Variants in WAC observed in about 807,000 individuals in gnomAD.
The protein encoded by WAC is WW domain-containing adapter protein with coiled-coil.
WAC carries 11 observed loss-of-function variants against 79.6 expected under a neutral mutation model. The observed-to-expected ratio is 0.14, with a 90% confidence interval of 0.09 to 0.23. The LOEUF is 0.23. Ranked by LOEUF, WAC falls within the 10% of genes least tolerant of loss-of-function variation. WAC has a pLI of 1.00. For missense variants in WAC, 728 were observed against 773.5 expected (o/e 0.94, Z 0.70); for synonymous variants, 304 against 276.9 (o/e 1.10, Z -0.97).
chr10:28,559,774 A>T (rs533136448), intron 3 of WAC, among the ~76,000 whole-genome samples: 25 of 152,322 alleles, frequency 1.6e-4, no homozygotes, highest in African/African-American at 5.5e-4. Context: ...AAGAAACTTC[A>T]AGAGGTGATT....
At chr10:28,576,934 A>G (rs1839272679) in intron 3 of WAC, among the ~76,000 whole-genome samples, 1 of 152,100 alleles carries the variant, frequency 6.6e-6, no homozygotes, top group African/African-American at 2.4e-5. Context: ...TTTTTTACCT[A>G]AGTCTTGGAA....
At chr10:28,586,033 C>G (rs533947043) in intron 4 of WAC, among the ~76,000 whole-genome samples, 1 of 152,262 alleles carries the variant, frequency 6.6e-6, no homozygotes, top group African/African-American at 2.4e-5. Flanking sequence ...GTTCTGGTTT[C>G]TCTAGATTTC....
At chr10:28,555,150 T>G (rs373979404) in intron 3 of WAC, among the ~76,000 whole-genome samples, 2 of 152,160 alleles carry the variant, frequency 1.3e-5, no homozygotes, top group African/African-American at 4.8e-5. Flanking sequence ...GTCTTTCTGC[T>G]TTCCAACCTT....
At chr10:28,603,933 CA>C (rs1312613029) in intron 7 of WAC, among the ~76,000 whole-genome samples, 25 of 17,982 alleles carry the variant, frequency 1.4e-3, no homozygotes, top group East Asian at 7.4e-3. Flanking sequence ...GACTCCGTCT[CA>C]AAAAAAAAAT....
At chr10:28,567,130 G>A (rs1838679445) in intron 3 of WAC, among the ~76,000 whole-genome samples, 1 of 150,016 alleles carries the variant, frequency 6.7e-6, no homozygotes, top group Non-Finnish European at 1.5e-5. Context: ...CTTCTAATGT[G>A]GTTTTATTTT....
Position 28,617,455 on chromosome 10 carries a change from T to C in WAC, c.1747-202T>C, listed in dbSNP as rs563939052. Among the ~76,000 whole-genome samples, 6 of 152,318 alleles carry C rather than the reference T, an allele frequency of 3.9e-5. No individual in the cohort carries two copies. In the East Asian group the frequency reaches 9.6e-4, roughly 24 times the overall value. ...TTTTCTCCAACTTAGAAGAGAAATA[T>C]TAAAATAAGTACCTTCCACCCTTAG... On this transcript the variant is annotated intron_variant, in intron 12 of 13. Transcript: ENST00000354911.
intron 6 of WAC, among the ~76,000 whole-genome samples, chr10:28,594,127 T>TA (rs1282098970): frequency 6.6e-6 from 1 of 152,180 alleles, no homozygotes; most frequent in African/African-American, 2.4e-5. Context: ...AGAAAGCTGT[T>TA]ACAGCTATAG....
At chr10:28,567,984 C>A (rs1227869327) in intron 3 of WAC, among the ~76,000 whole-genome samples, 5 of 152,196 alleles carry the variant, frequency 3.3e-5, no homozygotes, top group African/African-American at 1.2e-4. Context: ...GTGATCCGCC[C>A]ACCCTGGCCT....
chr10:28,573,278 A>G (rs1468647937), intron 3 of WAC, among the ~76,000 whole-genome samples: 1 of 152,162 alleles, frequency 6.6e-6, no homozygotes. Context: ...CTGTATACCC[A>G]TTAGCAGTCA....
At chr10:28,535,091 C>A (rs1836563546) in intron 2 of WAC, among the ~76,000 whole-genome samples, 1 of 147,528 alleles carries the variant, frequency 6.8e-6, no homozygotes, top group African/African-American at 2.5e-5. Flanking sequence ...TTATTTGAAT[C>A]AAAGAATTGG....
chr10:28,582,197 G>A (rs962507696), intron 3 of WAC, among the ~76,000 whole-genome samples: 4 of 152,036 alleles, frequency 2.6e-5, no homozygotes, highest in South Asian at 2.1e-4. Context: ...CTCTTACTTC[G>A]TCCATGAACT....
chr10:28,596,465 G>A (rs1017780469), intron 7 of WAC, among the ~76,000 whole-genome samples: 1 of 152,120 alleles, frequency 6.6e-6, no homozygotes, highest in African/African-American at 2.4e-5. Flanking sequence ...GTTTCAGTTT[G>A]TGATTAGAAA....
At chr10:28,588,354 C>T (rs1839925183) in intron 4 of WAC, among the ~76,000 whole-genome samples, 1 of 152,140 alleles carries the variant, frequency 6.6e-6, no homozygotes, top group African/African-American at 2.4e-5. Flanking sequence ...TTGCCACCCT[C>T]ATTATTTTGG....
intron 3 of WAC, among the ~76,000 whole-genome samples, chr10:28,547,310 G>A (rs1308815337): frequency 6.6e-5 from 10 of 152,114 alleles, no homozygotes; most frequent in African/African-American, 1.4e-4. Flanking sequence ...CAAGGTGGGC[G>A]GATCACCTGA....
Position 28,610,763 on chromosome 10 carries a change from A to G in WAC, c.1230A>G (p.Gly410=). 1 of 1,612,796 alleles carries G rather than the reference A, an allele frequency of 6.2e-7. No individual in the cohort carries two copies. The highest frequency in any genetic ancestry group is 8.5e-7 in the Non-Finnish European group (1 of 1,179,726). Residue 410 remains glycine (G), a synonymous_variant, in exon 9 of 14, where the codon GGA becomes GGG. Coordinates refer to ENST00000354911, the MANE Select transcript of WAC (RefSeq NM_016628.5). ...TAATTCATAAGTTTCTTACTGCTGG[A>G]CCATCTGCTTTCAACATAACGTCTC... ...QSIIHKFLTA[G]PSAFNITSLI...
At chr10:28,614,371 G>A (rs1443702415) in intron 10 of WAC, among the ~76,000 whole-genome samples, 196 bp from the exon 11 acceptor site, 4 of 152,234 alleles carry the variant, frequency 2.6e-5, no homozygotes, top group Non-Finnish European at 4.4e-5. Flanking sequence ...GGGATTACAG[G>A]CGTGAGCCAC....
At chr10:28,550,168 A>AC (rs887367373) in intron 3 of WAC, among the ~76,000 whole-genome samples, 1 of 149,466 alleles carries the variant, frequency 6.7e-6, no homozygotes, top group Admixed American at 6.6e-5. Context: ...CTCAGTCTCA[A>AC]AAAAAAAAAA....
intron 8 of WAC, 128 bp downstream of exon 8, chr10:28,608,559 T>C: frequency 1.8e-6 from 2 of 1,083,870 alleles, no homozygotes; most frequent in Non-Finnish European, 2.6e-6. Context: ...TTTTTTTTGT[T>C]TTGTTTTTTG....
Position 28,621,379 on chromosome 10 carries a change from T to C in WAC, c.*1773T>C, listed in dbSNP as rs146783183. The C allele has an allele frequency of 6.6e-6, 1 of 152,156 alleles. No individual in the cohort carries two copies. Among genetic ancestry groups the C allele is most frequent in the Non-Finnish European group, 1.5e-5 (1 of 68,030 alleles). 9.4% of individuals were successfully genotyped at this position (152,156 alleles called of 1,614,324 possible). ...TTGTGCTTTAAGCATATATTGAAAG[T>C]ATGGAAGTTAAATGTTCAGGCTTTT... On this transcript the variant is annotated 3_prime_UTR_variant, in exon 14 of 14. Transcript: ENST00000354911.
Sources: gnomAD v4.1 joint callset for allele counts (sites outside exome capture counted in the v4.1 genomes callset) on GRCh38, gnomAD v4.1.1 for gene constraint, MANE v1.5 for transcripts, NCBI Gene and HGNC (gene_info 2026-07-23, HGNC 2026-07-21) for gene names.